The following ARNT2 variants were observed in gnomAD, a reference collection of about 807,000 sequenced individuals.
The protein encoded by ARNT2 is ARNT protein 2.
Under a neutral mutation model 91.7 loss-of-function variants are expected in ARNT2, and 36 were observed. That is an observed-to-expected ratio of 0.39 (90% CI 0.30 to 0.52). The LOEUF is 0.52. Among genes scored for constraint, ARNT2 ranks in the 20% least tolerant of loss-of-function variants. The probability of loss-of-function intolerance (pLI) is 0.72; values close to 1 mark genes in which losing one functional copy is unlikely to be tolerated. For synonymous variants in ARNT2, 365 were observed against 347.1 expected, an observed-to-expected ratio of 1.05 and a Z score of -0.57; for missense variants, 775 against 939.3, an observed-to-expected ratio of 0.83 and a Z score of 2.29.
intron 8 of ARNT2, among the ~76,000 whole-genome samples, chr15:80,520,206 A>C (rs1336796412): frequency 6.6e-6 from 1 of 152,144 alleles, no homozygotes; most frequent in African/African-American, 2.4e-5. Context: ...TGCATAATCA[A>C]ATATACAGTA....
intron 1 of ARNT2, among the ~76,000 whole-genome samples, chr15:80,411,263 T>G (rs1297449527): frequency 6.6e-6 from 1 of 152,236 alleles, no homozygotes; most frequent in East Asian, 1.9e-4. Context: ...GATTGATACC[T>G]GACTGGAAGC....
At chr15:80,517,610 A>T (rs1410597098) in intron 8 of ARNT2, among the ~76,000 whole-genome samples, 1 of 148,898 alleles carries the variant, frequency 6.7e-6, no homozygotes, top group African/African-American at 2.5e-5. Context: ...AAATTGTACC[A>T]CAATTTTTGA....
chr15:80,523,215 T>A (rs887479815), intron 8 of ARNT2, among the ~76,000 whole-genome samples: 1 of 152,150 alleles, frequency 6.6e-6, no homozygotes, highest in African/African-American at 2.4e-5. Flanking sequence ...AGTAAAGGGA[T>A]GTGGACCACT....
At chr15:80,530,798 G>A (rs925900508) in intron 8 of ARNT2, among the ~76,000 whole-genome samples, 4 of 152,110 alleles carry the variant, frequency 2.6e-5, no homozygotes, top group African/African-American at 9.7e-5. Context: ...CTACTGATAA[G>A]TACTCCCCAA....
chr15:80,457,981 G>C lies in ARNT2; in HGVS notation c.194+5G>C. 6.2e-7 allele frequency: 1 copy of C among 1,613,062 alleles called. No homozygotes were observed. Among genetic ancestry groups the C allele is most frequent in the Non-Finnish European group, 8.5e-7 (1 of 1,179,178 alleles). ...AGGCCCCAGTAAATTTTCAAGGTAA[G>C]TTTATTTTATTTTCCTTAGACTTAA... On this transcript the variant is annotated splice_donor_5th_base_variant and intron_variant, in intron 3 of 18. Coordinates refer to ENST00000303329, the MANE Select transcript of ARNT2 (RefSeq NM_014862.4).
At chr15:80,579,180 G>A (rs1283562490) in intron 15 of ARNT2, among the ~76,000 whole-genome samples, 1 of 152,204 alleles carries the variant, frequency 6.6e-6, no homozygotes, top group African/African-American at 2.4e-5. Context: ...ATCAGTCAGT[G>A]TTTTGGGGAG....
chr15:80,505,061 CATT>C (rs376729218), intron 5 of ARNT2, among the ~76,000 whole-genome samples: 48 of 152,336 alleles, frequency 3.2e-4, no homozygotes, highest in African/African-American at 1.1e-3. Context: ...GTGACGCGAT[CATT>C]TGATCTAAGC....
intron 6 of ARNT2, 59 bp downstream of exon 6, chr15:80,508,317 C>CTTTTTCT: frequency 6.4e-7 from 1 of 1,551,796 alleles, no homozygotes; most frequent in South Asian, 1.1e-5. Context: ...TTTCTGTCAC[C>CTTTTTCT]GTTAAGAGCC....
intron 1 of ARNT2, among the ~76,000 whole-genome samples, chr15:80,427,166 A>T (rs947836932): frequency 6.6e-6 from 1 of 152,156 alleles, no homozygotes; most frequent in Non-Finnish European, 1.5e-5. Flanking sequence ...ATAAGGTAAT[A>T]AATTCGGGCA....
intron 14 of ARNT2, 95 bp downstream of exon 14, chr15:80,575,205 C>T (rs935117907): frequency 3.7e-5 from 56 of 1,505,400 alleles, no homozygotes; most frequent in Non-Finnish European, 4.5e-5. Context: ...GAGGGGGCCA[C>T]GGAAGGTGAG....
intron 1 of ARNT2, among the ~76,000 whole-genome samples, chr15:80,447,130 T>C (rs1567181895): frequency 6.7e-6 from 1 of 148,968 alleles, no homozygotes; most frequent in Admixed American, 6.6e-5. Context: ...TAGTCTTTTT[T>C]CTGTGCATAT....
Position 80,499,002 on chromosome 15 carries a change from G to A in ARNT2, c.623-9154G>A, listed in dbSNP as rs575630653. On this transcript the variant is annotated intron_variant, in intron 5 of 18. Transcript: ENST00000303329. ...CGCAGTTCTCAGCTGTGAGACAACC[G>A]TAACTGGTTACTTAGTGTCTCTGGG... 1.1e-4 allele frequency among the ~76,000 whole-genome samples: 17 copies of A among 152,288 alleles called. No homozygotes were observed. The East Asian group carries it at 1.5e-3, about 14-fold the overall frequency.
chr15:80,551,332 G>A, intron 9 of ARNT2, 57 bp downstream of exon 9: 1 of 1,501,314 alleles, frequency 6.7e-7, no homozygotes. Context: ...GCCACAAAGT[G>A]CAGAAGACTG....
chr15:80,483,690 C>T (rs1237997459), intron 5 of ARNT2, among the ~76,000 whole-genome samples: 1 of 152,234 alleles, frequency 6.6e-6, no homozygotes, highest in African/African-American at 2.4e-5. Context: ...GTAGCATGCT[C>T]ATCCTGTCAC....
chr15:80,542,145 A>G (rs1183765454), intron 8 of ARNT2, among the ~76,000 whole-genome samples: 2 of 152,258 alleles, frequency 1.3e-5, no homozygotes, highest in South Asian at 2.1e-4. Flanking sequence ...AATTTTACAT[A>G]CACACACTTG....
intron 2 of ARNT2, among the ~76,000 whole-genome samples, chr15:80,455,654 A>G (rs1896471092): frequency 6.6e-6 from 1 of 152,128 alleles, no homozygotes; most frequent in Non-Finnish European, 1.5e-5. Context: ...CCTAGATCCC[A>G]GGTATCTCCA....
intron 13 of ARNT2, among the ~76,000 whole-genome samples, chr15:80,574,614 C>A (rs2141476271): frequency 6.6e-6 from 1 of 152,328 alleles, no homozygotes; most frequent in Non-Finnish European, 1.5e-5. Flanking sequence ...TGTGCCTCTT[C>A]CTGTCATGCT....
intron 2 of ARNT2, among the ~76,000 whole-genome samples, chr15:80,453,902 G>A (rs1896442348): frequency 6.6e-6 from 1 of 152,180 alleles, no homozygotes; most frequent in South Asian, 2.1e-4. Context: ...TGATTATTCT[G>A]ATGGAGGGAA....
At chr15:80,537,818 T>C (rs1897849826) in intron 8 of ARNT2, among the ~76,000 whole-genome samples, 1 of 152,222 alleles carries the variant, frequency 6.6e-6, no homozygotes, top group African/African-American at 2.4e-5. Context: ...GCCCCACCCC[T>C]ACCTGTCTAA....
Sources: allele counts gnomAD v4.1 joint callset (sites outside exome capture counted in the v4.1 genomes callset), GRCh38; gene constraint gnomAD v4.1.1; transcripts MANE v1.5; gene names NCBI Gene and HGNC (gene_info 2026-07-23, HGNC 2026-07-21).